GNAZ: variants seen among roughly 807,000 people sequenced by gnomAD.
GNAZ encodes guanine nucleotide-binding protein G(z) subunit alpha.
In GNAZ, 3 loss-of-function variants were observed where a neutral mutation model predicts 25.4. The observed-to-expected ratio is 0.12, with a 90% CI of 0.05 to 0.30. The LOEUF (loss-of-function observed/expected upper bound fraction) is 0.30, where lower values mean the gene tolerates loss of function less well. Among genes scored for constraint, GNAZ ranks in the 10% least tolerant of loss-of-function variants. The pLI, the probability that GNAZ is intolerant of heterozygous loss-of-function variation, is 1.00. For synonymous variants in GNAZ, 211 were observed against 205.7 expected (o/e 1.03, Z -0.22); for missense variants, 241 against 501.8 (o/e 0.48, Z 4.97).
intron 1 of GNAZ, among the ~76,000 whole-genome samples, chr22:23,079,700 C>G (rs1160567697): frequency 6.6e-6 from 1 of 152,174 alleles, no homozygotes; most frequent in Admixed American, 6.5e-5. Context: ...CATACTGCTG[C>G]AAAACAGATG....
chr22:23,098,743 A>G (rs937407254), intron 2 of GNAZ, among the ~76,000 whole-genome samples: 15 of 152,276 alleles, frequency 9.9e-5, no homozygotes, highest in African/African-American at 3.6e-4. Context: ...ATGGAAAACA[A>G]ACAGGCTGCA....
chr22:23,078,345 T>C (rs1353335826), intron 1 of GNAZ, among the ~76,000 whole-genome samples: 15 of 152,228 alleles, frequency 9.9e-5, no homozygotes, highest in Admixed American at 9.8e-4. Flanking sequence ...ATTTCCTCTA[T>C]GATAACACCA....
At chr22:23,100,662 C>T (rs1321662275) in intron 2 of GNAZ, among the ~76,000 whole-genome samples, 5 of 152,250 alleles carry the variant, frequency 3.3e-5, no homozygotes, top group Admixed American at 6.5e-5. Flanking sequence ...CACACCCACC[C>T]GGCACAGCCT....
chr22:23,087,372 G>C (rs1461705425), intron 1 of GNAZ, among the ~76,000 whole-genome samples: 1 of 152,216 alleles, frequency 6.6e-6, no homozygotes, highest in African/African-American at 2.4e-5. Flanking sequence ...GCTCAGGTGG[G>C]AGGATCGCTT....
intron 1 of GNAZ, among the ~76,000 whole-genome samples, chr22:23,075,148 G>C (rs1349163164): frequency 6.6e-6 from 1 of 152,162 alleles, no homozygotes; most frequent in Non-Finnish European, 1.5e-5. Context: ...CTGTGGAGAA[G>C]GAAGGCCTGG....
intron 1 of GNAZ, among the ~76,000 whole-genome samples, chr22:23,087,335 G>A (rs559571361): frequency 1.4e-4 from 22 of 152,268 alleles, no homozygotes; most frequent in South Asian, 8.3e-4. Flanking sequence ...GCGTGGTGGC[G>A]CGTGCCTGCA....
At chr22:23,112,436 G>A (rs966074027) in intron 2 of GNAZ, among the ~76,000 whole-genome samples, 2 of 152,178 alleles carry the variant, frequency 1.3e-5, no homozygotes, top group Non-Finnish European at 2.9e-5. Context: ...GGTTGAAGAG[G>A]TGCGGGGAGC....
intron 2 of GNAZ, among the ~76,000 whole-genome samples, chr22:23,101,992 G>A (rs576559726): frequency 6.6e-6 from 1 of 152,168 alleles, no homozygotes; most frequent in Non-Finnish European, 1.5e-5. Context: ...TATCCTACCC[G>A]AGCACTGGAG....
intron 2 of GNAZ, among the ~76,000 whole-genome samples, chr22:23,118,641 C>T (rs2069922141): frequency 1.3e-5 from 2 of 152,224 alleles, no homozygotes. Flanking sequence ...GTGAGGAGCC[C>T]TCCCCCTTGC....
intron 1 of GNAZ, among the ~76,000 whole-genome samples, chr22:23,084,551 C>A (rs1253682468): frequency 2.0e-5 from 3 of 152,218 alleles, no homozygotes; most frequent in Non-Finnish European, 2.9e-5. Context: ...GGCCTTCTTG[C>A]AGACAGCCAC....
intron 1 of GNAZ, among the ~76,000 whole-genome samples, chr22:23,086,550 G>A (rs2068825501): frequency 6.6e-6 from 1 of 152,228 alleles, no homozygotes; most frequent in Non-Finnish European, 1.5e-5. Flanking sequence ...CTATAGTTGA[G>A]GAAAGCACAG....
intron 2 of GNAZ, among the ~76,000 whole-genome samples, chr22:23,105,052 G>A (rs1294790972): frequency 2.0e-5 from 3 of 152,216 alleles, no homozygotes; most frequent in Non-Finnish European, 4.4e-5. Context: ...ACCTCGTGGT[G>A]GACATGTCCT....
intron 2 of GNAZ, among the ~76,000 whole-genome samples, chr22:23,113,878 G>A (rs548275045): frequency 9.6e-4 from 147 of 152,342 alleles, no homozygotes; most frequent in African/African-American, 3.2e-3. Flanking sequence ...CCAGCCAAGG[G>A]CAGGCACCCG....
At chr22:23,098,191 T>G (rs557167344) in intron 2 of GNAZ, among the ~76,000 whole-genome samples, 179 of 152,390 alleles carry the variant, frequency 1.2e-3, no homozygotes, top group African/African-American at 4.1e-3. Context: ...CTAGCCGTGG[T>G]CAGCTTGTTT....
At position 23,096,034 on chromosome 22, in the gene GNAZ, C is replaced by T. The variant is rs766702826; in HGVS notation, c.339C>T (p.Pro113=). The change falls in exon 2 of 3, where the codon CCC becomes CCT. Residue 113 remains proline, a synonymous_variant. Transcript: ENST00000615612. The part of the protein sequence containing the change: ...DAVQLFALTG[P]AESKGEITPE... ...TGCAGCTCTTTGCGCTGACGGGCCC[C>T]GCTGAGAGCAAGGGCGAGATCACAC... The T allele has an allele frequency of 7.5e-6, 12 of 1,607,010 alleles. No homozygotes were observed. Among genetic ancestry groups the T allele is most frequent in the South Asian group, 5.5e-5 (5 of 91,060 alleles).
chr22:23,073,507 C>A (rs2068427836), intron 1 of GNAZ, among the ~76,000 whole-genome samples: 1 of 152,208 alleles, frequency 6.6e-6, no homozygotes, highest in Non-Finnish European at 1.5e-5. Context: ...CTAGGTCCAG[C>A]CCCTTTTTCT....
chr22:23,085,861 A>G (rs947975649), intron 1 of GNAZ, among the ~76,000 whole-genome samples: 2 of 152,234 alleles, frequency 1.3e-5, no homozygotes, highest in African/African-American at 2.4e-5. Context: ...CCTTCCCCAG[A>G]GGAAGGTAAT....
intron 1 of GNAZ, among the ~76,000 whole-genome samples, chr22:23,079,401 C>G (rs2068608402): frequency 6.6e-6 from 1 of 152,100 alleles, no homozygotes; most frequent in Non-Finnish European, 1.5e-5. Context: ...TGCACAGGCC[C>G]TGAGTTAAGA....
intron 1 of GNAZ, among the ~76,000 whole-genome samples, chr22:23,089,400 G>A (rs554773083): frequency 2.0e-5 from 3 of 152,274 alleles, no homozygotes; most frequent in South Asian, 2.1e-4. Flanking sequence ...TGGTCCTGGC[G>A]AGCTCAGGCT....
Sources: allele counts gnomAD v4.1 joint callset (sites outside exome capture counted in the v4.1 genomes callset), GRCh38; gene constraint gnomAD v4.1.1; transcripts MANE v1.5; gene names NCBI Gene and HGNC (gene_info 2026-07-23, HGNC 2026-07-21).